Variants in ENTREP3 observed in about 807,000 individuals in gnomAD.
ENTREP3 encodes the protein endosomal transmembrane epsin interactor 3, also known as protein ENTREP3.
the ENTREP3 span, chr1:155,254,665 C>T: frequency 6.2e-7 from 1 of 1,608,368 alleles, no homozygotes; most frequent in Non-Finnish European, 8.5e-7. The surrounding 1 kb of genome is among the most constrained non-coding windows in gnomAD (Gnocchi z 4.4). Flanking sequence ...AGAACCCAGC[C>T]CAAGACGGGC....
At chr1:155,251,160 G>A in the ENTREP3 span, 2 of 1,604,934 alleles carry the variant, frequency 1.2e-6, no homozygotes, top group Non-Finnish European at 1.7e-6. Flanking sequence ...GTCAAAGAGA[G>A]TGGCCTGCAG....
the ENTREP3 span, chr1:155,248,286 A>C: frequency 1.2e-6 from 2 of 1,600,888 alleles, no homozygotes; most frequent in Non-Finnish European, 1.7e-6. Flanking sequence ...CGGAAGAGGC[A>C]GGCTTCAGAG....
chr1:155,251,323 T>C, the ENTREP3 span, among the ~76,000 whole-genome samples: 1 of 152,174 alleles, frequency 6.6e-6, no homozygotes, highest in African/African-American at 2.4e-5. Flanking sequence ...GCAGAAATGA[T>C]AGCTTCCAAC....
the ENTREP3 span, chr1:155,251,240 T>G: frequency 8.2e-7 from 1 of 1,219,158 alleles, no homozygotes; most frequent in East Asian, 2.6e-5. Flanking sequence ...CTCTGGAGAC[T>G]TAGATTCCAG....
At chr1:155,248,387 G>A in the ENTREP3 span, 17 of 1,614,046 alleles carry the variant, frequency 1.1e-5, no homozygotes, top group Middle Eastern at 1.6e-4. Context: ...TCCCTGGGGC[G>A]CAAACCACAT....
At chr1:155,248,695 T>G in the ENTREP3 span, among the ~76,000 whole-genome samples, 1 of 150,876 alleles carries the variant, frequency 6.6e-6, no homozygotes, top group Admixed American at 6.7e-5. Context: ...CGCACAGTGC[T>G]GAGCGTTCCC....
At chr1:155,250,639 G>A in the ENTREP3 span, 1 of 1,611,110 alleles carries the variant, frequency 6.2e-7, no homozygotes. The surrounding 1 kb of genome is among the most constrained non-coding windows in gnomAD (Gnocchi z 5.4). Context: ...AAGGGGCCCC[G>A]CAGGCCACAG....
At chr1:155,251,866 G>A in the ENTREP3 span, 1 of 1,509,878 alleles carries the variant, frequency 6.6e-7, no homozygotes, top group Non-Finnish European at 8.8e-7. Flanking sequence ...GTGCAGCCCA[G>A]AGGTCCCAGT....
chr1:155,253,678 G>A, the ENTREP3 span: 1,107 of 1,613,840 alleles, frequency 6.9e-4, no homozygotes, highest in Non-Finnish European at 8.6e-4. Flanking sequence ...ATAGCAGAGA[G>A]TGTACAGATT....
At chr1:155,251,387 G>T in the ENTREP3 span, 1 of 777,234 alleles carries the variant, frequency 1.3e-6, no homozygotes, top group Non-Finnish European at 2.1e-6. Flanking sequence ...GGGCATGCTG[G>T]TGCTGTAAAG....
At chr1:155,248,597 A>C in the ENTREP3 span, 3 of 757,390 alleles carry the variant, frequency 4.0e-6, no homozygotes, top group African/African-American at 5.2e-5. Flanking sequence ...CCCCAATCAA[A>C]GGGCCAGCAT....
At chr1:155,248,651 A>G in the ENTREP3 span, among the ~76,000 whole-genome samples, 3 of 148,758 alleles carry the variant, frequency 2.0e-5, no homozygotes, top group African/African-American at 7.5e-5. Flanking sequence ...AATCCACCAC[A>G]ACAAGGACTG....
chr1:155,254,082 A>G, the ENTREP3 span: 2 of 1,604,606 alleles, frequency 1.2e-6, no homozygotes, highest in Non-Finnish European at 1.7e-6. This position sits in a 1 kb window ranked among gnomAD's most constrained non-coding sequence, Gnocchi z 4.4. Context: ...CTCAAATCTC[A>G]CCAGAGAGCA....
chr1:155,247,665 G>T, the ENTREP3 span: 8 of 973,412 alleles, frequency 8.2e-6, no homozygotes, highest in Admixed American at 2.2e-5. Context: ...GGACACTTTG[G>T]GGGGTATACA....
the ENTREP3 span, chr1:155,253,485 A>C: frequency 1.6e-6 from 1 of 611,370 alleles, no homozygotes; most frequent in East Asian, 2.9e-5. Flanking sequence ...CATTCCTCCA[A>C]TAGATGAGGA....
the ENTREP3 span, chr1:155,254,833 C>T: frequency 1.2e-6 from 2 of 1,601,198 alleles, no homozygotes; most frequent in Admixed American, 1.7e-5. This position sits in a 1 kb window ranked among gnomAD's most constrained non-coding sequence, Gnocchi z 4.4. Flanking sequence ...TGGTGCTGGG[C>T]CGGCTGGTCA....
At chr1:155,254,796 G>A in the ENTREP3 span, 1 of 1,612,620 alleles carries the variant, frequency 6.2e-7, no homozygotes, top group Non-Finnish European at 8.5e-7. The surrounding 1 kb of genome is among the most constrained non-coding windows in gnomAD (Gnocchi z 4.4). Context: ...AGCCAGGGTC[G>A]GTGGAGGCGG....
chr1:155,250,691 G>T, the ENTREP3 span: 1 of 1,612,762 alleles, frequency 6.2e-7, no homozygotes. The surrounding 1 kb of genome is among the most constrained non-coding windows in gnomAD (Gnocchi z 5.4). Context: ...GCTGGATGGA[G>T]CGAAAGAGAA....
chr1:155,251,650 A>G, the ENTREP3 span: 4 of 1,605,044 alleles, frequency 2.5e-6, no homozygotes, highest in Non-Finnish European at 3.4e-6. Context: ...TTCCCCCTCC[A>G]CAAAGATCCC....
Sources: gnomAD v4.1 joint callset for allele counts (sites outside exome capture counted in the v4.1 genomes callset) on GRCh38, gnomAD v4.1.1 for gene constraint, Gnocchi (gnomAD v3.1) non-coding constraint, MANE v1.5 for transcripts, NCBI Gene and HGNC (gene_info 2026-07-23, HGNC 2026-07-21) for gene names.